Variants in FBXL6 observed in about 807,000 individuals in gnomAD.
FBXL6 encodes F-box/LRR-repeat protein 6.
FBXL6 carries 50 observed loss-of-function variants against 53.3 expected under a neutral mutation model. The ratio of observed to expected loss-of-function variants is 0.94; its 90% CI spans 0.75 to 1.19. The LOEUF (loss-of-function observed/expected upper bound fraction) is 1.19. FBXL6 is among the 50% of genes most tolerant of loss of function. FBXL6 has a pLI of 0.00. For missense variants in FBXL6, 815 were observed against 719.0 expected (o/e 1.13, Z -1.53); for synonymous variants, 405 against 322.9 (o/e 1.25, Z -2.73).
Position 144,356,524 on chromosome 8 carries a change from C to G in FBXL6, c.1001G>C (p.Arg334Pro), listed in dbSNP as rs782467045. Residue 334 changes from arginine to proline, a missense_variant, in exon 7 of 9, where the codon CGG becomes CCG. Physicochemically the swap from Arg to Pro is moderately radical, Grantham distance 103. Coordinates refer to ENST00000331890, the MANE Select transcript of FBXL6 (RefSeq NM_012162.4). Reference protein sequence around the residue: ...QKGCPQLQVLRLLNLMWLPKP... With the variant: ...QKGCPQLQVLPLLNLMWLPKP... ...GGGCAGCCACATCAGGTTCAACAGCCGCAGCACCTGGGGGCAAGGTCCAGG... is the reference window on the plus strand; with the variant it reads ...GGGCAGCCACATCAGGTTCAACAGCGGCAGCACCTGGGGGCAAGGTCCAGG... The G allele has an allele frequency of 1.2e-6, 2 of 1,612,844 alleles. No homozygotes were observed. Among genetic ancestry groups the G allele is most frequent in the Non-Finnish European group, 1.7e-6 (2 of 1,179,974 alleles).
rs1554852592 is a variant in FBXL6 at position 144,355,673 on chromosome 8, A to G, written c.1478T>C (p.Val493Ala). Residue 493 changes from valine (V) to alanine (A), a missense_variant, in exon 9 of 9, where the codon GTG (valine) becomes GCG (alanine). Physicochemically the swap from Val to Ala is moderately conservative, Grantham distance 64. Coordinates refer to ENST00000331890, the MANE Select transcript of FBXL6 (RefSeq NM_012162.4). ...TRVTPSTVSS[V>A]ISGCPGLLYL... is the part of the protein sequence containing the mutation. Reference sequence around the variant, plus strand: ...GAGCAGGCCCGGGCAGCCGCTGATCACAGAGCTGTGGGGAGGGCAGACCAC... The same window carrying G: ...GAGCAGGCCCGGGCAGCCGCTGATCGCAGAGCTGTGGGGAGGGCAGACCAC... 1 of 1,610,630 alleles carries G rather than the reference A, an allele frequency of 6.2e-7. No individual in the cohort carries two copies. The highest frequency in any genetic ancestry group is 8.5e-7 in the Non-Finnish European group (1 of 1,179,748).
In FBXL6 at chr8:144,357,507, GC is replaced by G. The variant is rs1204409458; in HGVS notation, c.576-6del. 5.0e-6 allele frequency: 8 copies of G among 1,613,264 alleles called. No homozygotes were observed. Among genetic ancestry groups the G allele is most frequent in the Non-Finnish European group, 6.8e-6 (8 of 1,179,928 alleles). ...AGCCTCTGGAGCTGTGAAAACCTGG[GC>G]CGACAGCGGAGGCAGAGCTGCACTA... On this transcript the variant is annotated splice_region_variant and splice_polypyrimidine_tract_variant and intron_variant, in intron 2 of 8. Coordinates refer to ENST00000331890, the MANE Select transcript of FBXL6 (RefSeq NM_012162.4).
intron 8 of FBXL6, 129 bp downstream of exon 8, chr8:144,355,839 G>A: frequency 2.0e-6 from 3 of 1,529,188 alleles, no homozygotes; most frequent in Non-Finnish European, 2.7e-6. Flanking sequence ...CCCCACGCAG[G>A]GGCTTGGACA....
In FBXL6 at chr8:144,356,113, G is replaced by T; in HGVS notation, c.1327C>A (p.Arg443=). ...CCCTGGCCACTCAAGTCCAGTTCTC[G>T]CAGTGTATGGCACCACTTCTGGGTC... ...FLTQKWCHTL[R]ELDLSGQGFS... is the part of the protein sequence containing the mutation. Residue 443 remains arginine (R), a synonymous_variant, in exon 8 of 9, where the codon CGA becomes AGA. Coordinates refer to ENST00000331890, the MANE Select transcript of FBXL6 (RefSeq NM_012162.4). The T allele has an allele frequency of 1.9e-6, 3 of 1,612,978 alleles. No individual in the cohort carries two copies. Among genetic ancestry groups the T allele is most frequent in the Non-Finnish European group, 2.5e-6 (3 of 1,180,028 alleles).
chr8:144,357,755 C>T lies in FBXL6; in HGVS notation c.448G>A (p.Ala150Thr). ...AARVCRRWQEAASQPALWHTV... is the reference protein window; with the variant it reads ...AARVCRRWQETASQPALWHTV... ...TGCCAGAGCGCGGGTTGGGAAGCGG[C>T]CTCCTGCCAGCGGCGGCACACGCGC... The change falls in exon 2 of 9, where the codon GCC becomes ACC. Residue 150 changes from alanine to threonine, a missense_variant. Physicochemically the swap from Ala to Thr is moderately conservative, Grantham distance 58. Coordinates refer to ENST00000331890, the MANE Select transcript of FBXL6 (RefSeq NM_012162.4). 1.3e-6 allele frequency: 2 copies of T among 1,595,188 alleles called. No individual in the cohort carries two copies. Among genetic ancestry groups the T allele is most frequent in the Non-Finnish European group, 1.7e-6 (2 of 1,172,942 alleles).
At position 144,356,923 on chromosome 8, in the gene FBXL6, C is replaced by T; in HGVS notation, c.772-8G>A. 1.9e-6 allele frequency: 3 copies of T among 1,613,254 alleles called. No individual in the cohort carries two copies. Among genetic ancestry groups the T allele is most frequent in the African/African-American group, 2.7e-5 (2 of 75,038 alleles). On this transcript the variant is annotated splice_polypyrimidine_tract_variant and splice_region_variant and intron_variant, in intron 4 of 8. Coordinates refer to ENST00000331890, the MANE Select transcript of FBXL6 (RefSeq NM_012162.4). ...CACAGCTGTGGACTCCACCTGGGGC[C>T]CCAATACAAGAGCACCCGTCACCCC...
Position 144,356,549 on chromosome 8 carries a change from G to C in FBXL6, c.994-18C>G, listed in dbSNP as rs1190163010. On this transcript the variant is annotated intron_variant, in intron 6 of 8. Coordinates refer to ENST00000331890, the MANE Select transcript of FBXL6 (RefSeq NM_012162.4). ...CGCAGCACCTGGGGGCAAGGTCCAG[G>C]CTGTAGATGGGGGAGGGTGTGACAG... 11 of 1,612,896 alleles carry C rather than the reference G, an allele frequency of 6.8e-6. No individual in the cohort carries two copies. The highest frequency in any genetic ancestry group is 7.6e-6 in the Non-Finnish European group (9 of 1,179,830).
Position 144,356,401 on chromosome 8 carries a change from A to ACCT in FBXL6, c.1121_1123dup (p.Glu374dup). ...AGAGCCGTGGAGTAGGCGGCCCAGGACCTCGTTGCTCACAAAGTTGCAGGT... is the reference window on the plus strand; with the variant it reads ...AGAGCCGTGGAGTAGGCGGCCCAGGACCTCCTCGTTGCTCACAAAGTTGCAGGT... On this transcript the variant is annotated inframe_insertion, in exon 7 of 9. Transcript: ENST00000331890. The ACCT allele has an allele frequency of 6.3e-7, 1 of 1,586,234 alleles. No individual in the cohort carries two copies. The highest frequency in any genetic ancestry group is 8.6e-7 in the Non-Finnish European group (1 of 1,168,150).
At chr8:144,356,241 T>A in intron 7 of FBXL6, 27 bp from the exon 8 acceptor site, 4 of 1,611,572 alleles carry the variant, frequency 2.5e-6, no homozygotes, top group African/African-American at 1.3e-5. Flanking sequence ...GAGCATAAGC[T>A]ACAAGGTGAC....
Position 144,358,139 on chromosome 8 carries a change from G to A in FBXL6, c.309C>T (p.Pro103=). 1.3e-6 allele frequency: 2 copies of A among 1,554,208 alleles called. No individual in the cohort carries two copies. The highest frequency in any genetic ancestry group is 1.7e-6 in the Non-Finnish European group (2 of 1,158,022). The change falls in exon 1 of 9, where the codon CCC becomes CCT. Residue 103 remains proline, a synonymous_variant. Transcript: ENST00000331890. The stretch of plus-strand genomic sequence containing the variant: ...CCCAGCCCGCGTCGGGCCCTTCCTC[G>A]GGCGTGGGCGTGGGTGCCGGTGCGG... ...PAPAPAPTPT[P]EEGPDAGWGD...
In FBXL6 at chr8:144,356,024, G is replaced by A. The variant is rs782052638; in HGVS notation, c.1416C>T (p.His472=). The change falls in exon 8 of 9, where the codon CAC becomes CAT. Residue 472 remains histidine (H), a synonymous_variant. Coordinates refer to ENST00000331890, the MANE Select transcript of FBXL6 (RefSeq NM_012162.4). ...AAFLSTPGGS[H]PALCSLNLRG... is the part of the protein sequence containing the mutation. ...TGAGGTTAAGAGAGCACAGGGCTGG[G>A]TGTGAGCCCCCAGGGGTGCTTAAGA... 3 of 1,613,098 alleles carry A rather than the reference G, an allele frequency of 1.9e-6. No homozygotes were observed. Among genetic ancestry groups the A allele is most frequent in the East Asian group, 2.2e-5 (1 of 44,886 alleles).
chr8:144,357,299 G>T, intron 3 of FBXL6, 140 bp downstream of exon 3: 1 of 1,269,640 alleles, frequency 7.9e-7, no homozygotes, highest in Admixed American at 2.3e-5. Context: ...GGAGGAAACA[G>T]CAGGAAAAGA....
In FBXL6 at chr8:144,358,284, G is replaced by A. The variant is rs1486284774; in HGVS notation, c.164C>T (p.Ala55Val). 8.1e-7 allele frequency: 1 copy of A among 1,236,148 alleles called. No individual in the cohort carries two copies. Among genetic ancestry groups the A allele is most frequent in the Non-Finnish European group, 1.0e-6 (1 of 989,878 alleles). 76.6% of individuals were successfully genotyped at this position (1,236,148 alleles called of 1,614,324 possible). ...MLLVLSEPGP[A>V]RPRAQRRASR... ...AGCGCGCCGCTGTGCGCGGGGCCGG[G>A]CGGGGCCGGGTTCGGACAGCACCAG... Residue 55 changes from alanine to valine, a missense_variant, in exon 1 of 9, where the codon GCC (alanine) becomes GTC (valine). Coordinates refer to ENST00000331890, the MANE Select transcript of FBXL6 (RefSeq NM_012162.4).
Position 144,356,504 on chromosome 8 carries a change from G to A in FBXL6, c.1021C>T (p.Leu341=), listed in dbSNP as rs782769829. The change falls in exon 7 of 9, where the codon CTG becomes TTG. Residue 341 remains leucine (L), a synonymous_variant. Transcript: ENST00000331890. ...QVLRLLNLMW[L]PKPPGRGVAP... is the part of the protein sequence containing the mutation. ...ACCCCTCGTCCCGGAGGCTTGGGCAGCCACATCAGGTTCAACAGCCGCAGC... is the reference window on the plus strand; with the variant it reads ...ACCCCTCGTCCCGGAGGCTTGGGCAACCACATCAGGTTCAACAGCCGCAGC... 1 of 1,612,948 alleles carries A rather than the reference G, an allele frequency of 6.2e-7. No individual in the cohort carries two copies. Among genetic ancestry groups the A allele is most frequent in the Non-Finnish European group, 8.5e-7 (1 of 1,180,014 alleles).
At chr8:144,357,279 C>G (rs1818499046) in intron 3 of FBXL6, 158 bp from the exon 4 acceptor site, 3 of 1,258,974 alleles carry the variant, frequency 2.4e-6, no homozygotes, top group Non-Finnish European at 3.3e-6. Flanking sequence ...GCCTCTGATA[C>G]CTCCCTGCTG....
At position 144,356,585 on chromosome 8, in the gene FBXL6, C is replaced by A. The variant is rs1554852847; in HGVS notation, c.993+15G>T. On this transcript the variant is annotated intron_variant, in intron 6 of 8. Coordinates refer to ENST00000331890, the MANE Select transcript of FBXL6 (RefSeq NM_012162.4). ...GGGAGGGTGTGACAGGTGGGAGAGG[C>A]AGGGCGCCAGGTACCTGGAGCTGAG... 1 of 1,612,764 alleles carries A rather than the reference C, an allele frequency of 6.2e-7. No homozygotes were observed. Among genetic ancestry groups the A allele is most frequent in the Non-Finnish European group, 8.5e-7 (1 of 1,179,824 alleles).
rs781847942 is a variant in FBXL6 at position 144,356,463 on chromosome 8, G to A, written c.1062C>T (p.Gly354=). The change falls in exon 7 of 9, where the codon GGC becomes GGT. Residue 354 remains glycine, a synonymous_variant. Coordinates refer to ENST00000331890, the MANE Select transcript of FBXL6 (RefSeq NM_012162.4). Reference sequence around the variant, plus strand: ...GGCAGAGCTCCTCTAGGCTAGGGAAGCCTGGTCCGGGAGCCACCCCTCGTC... The same window carrying A: ...GGCAGAGCTCCTCTAGGCTAGGGAAACCTGGTCCGGGAGCCACCCCTCGTC... ...PPGRGVAPGP[G]FPSLEELCLA... 3 of 1,612,996 alleles carry A rather than the reference G, an allele frequency of 1.9e-6. No homozygotes were observed. Among genetic ancestry groups the A allele is most frequent in the Non-Finnish European group, 2.5e-6 (3 of 1,180,024 alleles).
rs782094488 is a variant in FBXL6, at chr8:144,356,703, C to T, written c.890G>A (p.Cys297Tyr). Residue 297 changes from cysteine to tyrosine, a missense_variant, in exon 6 of 9, where the codon TGC becomes TAC. Cys to Tyr is a radical substitution (Grantham distance 194, BLOSUM62 -2). Coordinates refer to ENST00000331890, the MANE Select transcript of FBXL6 (RefSeq NM_012162.4). ...AILGALLGSC[C>Y]PQLQVLEVST... ...CACCTCCAGGACCTGGAGCTGGGGG[C>T]AGCAGCTGCCCTGCAGAGATGGGGG... 2.5e-6 allele frequency: 4 copies of T among 1,612,146 alleles called. No homozygotes were observed. The South Asian group carries it at 4.4e-5, about 18-fold the overall frequency.
In FBXL6 at chr8:144,356,229, G is replaced by A. The variant is rs564538737; in HGVS notation, c.1226-15C>T. The A allele has an allele frequency of 1.3e-5, 21 of 1,611,740 alleles. No homozygotes were observed. In the Admixed American group the frequency reaches 2.8e-4, roughly 22 times the overall value. ...CTGCTCCAGCTCTGCAGTGAAAGGA[G>A]TGAGCATAAGCTACAAGGTGACAAG... On this transcript the variant is annotated splice_polypyrimidine_tract_variant and intron_variant, in intron 7 of 8. Coordinates refer to ENST00000331890, the MANE Select transcript of FBXL6 (RefSeq NM_012162.4).
Sources: allele counts gnomAD v4.1 joint callset, GRCh38; gene constraint gnomAD v4.1.1; transcripts MANE v1.5; gene names NCBI Gene and HGNC (gene_info 2026-07-23, HGNC 2026-07-21).